BAZ2B: variants seen among roughly 807,000 people sequenced by gnomAD.
BAZ2B encodes the protein bromodomain adjacent to zinc finger domain protein 2B.
Under a neutral mutation model 246.0 loss-of-function variants are expected in BAZ2B, and 91 were observed. The ratio of observed to expected loss-of-function variants is 0.37; its 90% CI spans 0.31 to 0.44. The LOEUF (loss-of-function observed/expected upper bound fraction) is 0.44, where lower values mean the gene tolerates loss of function less well. Among genes scored for constraint, BAZ2B ranks in the 20% least tolerant of loss-of-function variants. The pLI is 1.00. For synonymous variants in BAZ2B, 855 were observed against 860.0 expected, an observed-to-expected ratio of 0.99 and a Z score of 0.10; for missense variants, 2,332 against 2,533.7, an observed-to-expected ratio of 0.92 and a Z score of 1.71.
rs1275862167 is a variant in BAZ2B, at chr2:159,382,725, G to A, written c.3839C>T (p.Pro1280Leu). The A allele has an allele frequency of 1.9e-6, 3 of 1,613,368 alleles. No homozygotes were observed. Among genetic ancestry groups the A allele is most frequent in the Non-Finnish European group, 2.5e-6 (3 of 1,179,844 alleles). The change falls in exon 25 of 37, where the codon CCC becomes CTC. Residue 1280 changes from proline (P) to leucine (L), a missense_variant. Pro to Leu is a moderately conservative substitution (Grantham distance 98). Around this residue, in one of 9 missense-constraint regions of BAZ2B, gnomAD observed 328 missense variants for 410.4 expected, o/e 0.80. Transcript: ENST00000392783. The part of the protein sequence containing the change: ...GGIDLGEEQH[P>L]LGTPTPGRKR... ...GCGTCCTGGAGTGGGTGTGCCCAAG[G>A]GATGCTGCTCTTCTCCCAGATCAAT...
chr2:159,644,363 G>C, the BAZ2B span, among the ~76,000 whole-genome samples: 1 of 152,196 alleles, frequency 6.6e-6, no homozygotes. Context: ...GGAGATAAGT[G>C]TGTTTGGCTT....
chr2:159,475,386 G>C (rs1054713048), intron 3 of BAZ2B, among the ~76,000 whole-genome samples: 6 of 152,282 alleles, frequency 3.9e-5, no homozygotes, highest in Admixed American at 2.0e-4. Flanking sequence ...CTCATGCTGT[G>C]TTTTTCAGCT....
At chr2:159,509,786 T>C (rs1279439022) in intron 2 of BAZ2B, among the ~76,000 whole-genome samples, 1 of 152,184 alleles carries the variant, frequency 6.6e-6, no homozygotes, top group East Asian at 1.9e-4. Context: ...CAAACATATG[T>C]ATATATGTAC....
intron 2 of BAZ2B, among the ~76,000 whole-genome samples, chr2:159,510,806 C>T (rs1049589480): frequency 6.6e-6 from 1 of 152,152 alleles, no homozygotes; most frequent in African/African-American, 2.4e-5. Flanking sequence ...CTTAAAGGAG[C>T]TTTCCTGGTC....
At chr2:159,412,846 A>T (rs980923587) in intron 13 of BAZ2B, among the ~76,000 whole-genome samples, 1 of 152,222 alleles carries the variant, frequency 6.6e-6, no homozygotes, top group Non-Finnish European at 1.5e-5. Flanking sequence ...ATGACCATCG[A>T]GTTAGCAGAT....
At chr2:159,462,637 C>G (rs758896477) in intron 3 of BAZ2B, 183 of 949,770 alleles carry the variant, frequency 1.9e-4, no homozygotes, top group Non-Finnish European at 2.9e-4. Context: ...TATGACTAAC[C>G]AACTGAACAC....
At chr2:159,519,220 T>C (rs1276374082) in intron 2 of BAZ2B, among the ~76,000 whole-genome samples, 2 of 37,580 alleles carry the variant, frequency 5.3e-5, no homozygotes, top group African/African-American at 1.9e-4. Context: ...CTTTTTTTTT[T>C]TTTTTTTTTT....
chr2:159,546,454 G>A lies in BAZ2B; in HGVS notation c.-3+9369C>T, dbSNP rs534234641. Among the ~76,000 whole-genome samples, 9 of 148,632 alleles carry A rather than the reference G, an allele frequency of 6.1e-5. No individual in the cohort carries two copies. In the East Asian group the frequency reaches 1.2e-3, roughly 19 times the overall value. On this transcript the variant is annotated intron_variant, in intron 2 of 36. Coordinates refer to ENST00000392783, the MANE Select transcript of BAZ2B (RefSeq NM_013450.4). ...TTTCTTTTGTAAATTGCCCAGTCTC[G>A]GGTAATCAGCAGCGTGAAAATGGAC...
the BAZ2B span, among the ~76,000 whole-genome samples, chr2:159,700,145 T>C: frequency 2.0e-5 from 3 of 152,166 alleles, no homozygotes; most frequent in Admixed American, 6.5e-5. Flanking sequence ...ATTCAGACCA[T>C]AGAACTTCAC....
intron 13 of BAZ2B, among the ~76,000 whole-genome samples, chr2:159,413,014 T>C (rs1333497481): frequency 1.3e-5 from 2 of 152,194 alleles, no homozygotes; most frequent in Non-Finnish European, 2.9e-5. Flanking sequence ...AATATCAGGA[T>C]TCTGCAATAC....
At chr2:159,634,386 C>T in the BAZ2B span, among the ~76,000 whole-genome samples, 3 of 152,202 alleles carry the variant, frequency 2.0e-5, no homozygotes, top group African/African-American at 7.2e-5. Context: ...CACTTCCCCC[C>T]TTACATGAAC....
chr2:159,448,321 A>T lies in BAZ2B; in HGVS notation c.423T>A (p.Ala141=). The T allele has an allele frequency of 6.2e-7, 1 of 1,613,042 alleles. No individual in the cohort carries two copies. Among genetic ancestry groups the T allele is most frequent in the East Asian group, 2.2e-5 (1 of 44,834 alleles). Residue 141 remains alanine (A), a synonymous_variant, in exon 5 of 37, where the codon GCT becomes GCA. Transcript: ENST00000392783. ...PPLLGIPPLF[A]PPAQNHDSSS... Reference sequence around the variant, plus strand: ...AAGAATCATGATTCTGGGCTGGGGGAGCAAATAGTGGTGGAATTCCCAGTA... The same window carrying T: ...AAGAATCATGATTCTGGGCTGGGGGTGCAAATAGTGGTGGAATTCCCAGTA...
the BAZ2B span, among the ~76,000 whole-genome samples, chr2:159,675,982 A>AC: frequency 6.6e-6 from 1 of 151,928 alleles, no homozygotes; most frequent in African/African-American, 2.4e-5. Context: ...TGCAACCTCC[A>AC]CCCCCCAGGT....
chr2:159,429,955 G>C, intron 10 of BAZ2B, among the ~76,000 whole-genome samples: 1 of 152,112 alleles, frequency 6.6e-6, no homozygotes, highest in East Asian at 1.9e-4. Context: ...TGAGAACTGA[G>C]AGTAGTTGTG....
At chr2:159,423,031 G>T (rs549985061) in intron 13 of BAZ2B, among the ~76,000 whole-genome samples, 190 of 152,072 alleles carry the variant, frequency 1.2e-3, no homozygotes, top group African/African-American at 4.5e-3. Context: ...AATGGCTATT[G>T]TTGGCCGGGT....
the BAZ2B span, among the ~76,000 whole-genome samples, chr2:159,631,036 A>T: frequency 6.6e-6 from 1 of 152,104 alleles, no homozygotes; most frequent in African/African-American, 2.4e-5. Context: ...TTTACAAAAA[A>T]ATTTTAAAAT....
intron 13 of BAZ2B, among the ~76,000 whole-genome samples, chr2:159,413,404 C>T (rs922776501): frequency 2.0e-5 from 3 of 152,132 alleles, no homozygotes; most frequent in Non-Finnish European, 4.4e-5. Flanking sequence ...TTTAAATAGA[C>T]AAACTGGCTG....
intron 1 of BAZ2B, among the ~76,000 whole-genome samples, chr2:159,559,563 A>G (rs2151490408): frequency 6.6e-6 from 1 of 152,344 alleles, no homozygotes; most frequent in Non-Finnish European, 1.5e-5. Flanking sequence ...TACAGTTAAA[A>G]ATATACAGTT....
chr2:159,627,551 G>A, the BAZ2B span, among the ~76,000 whole-genome samples: 1 of 152,032 alleles, frequency 6.6e-6, no homozygotes, highest in Non-Finnish European at 1.5e-5. Context: ...CACATAAACA[G>A]AATCAATGAC....
Sources: gnomAD v4.1 joint callset for allele counts (sites outside exome capture counted in the v4.1 genomes callset) on GRCh38, gnomAD v4.1.1 for gene constraint, gnomAD v4.1.1 regional missense constraint, MANE v1.5 for transcripts, NCBI Gene and HGNC (gene_info 2026-07-23, HGNC 2026-07-21) for gene names.